The following TSPAN9 variants were observed in gnomAD, a reference collection of about 807,000 sequenced individuals.
TSPAN9 encodes the protein tetraspanin 9.
A neutral mutation model predicts 31.0 loss-of-function variants in TSPAN9; 16 were observed. The observed-to-expected ratio is 0.52, with a 90% CI of 0.35 to 0.78. The LOEUF (loss-of-function observed/expected upper bound fraction) is 0.78, where lower values mean the gene tolerates loss of function less well. TSPAN9 is among the 30% of genes least tolerant of loss of function. The probability of loss-of-function intolerance (pLI) is 0.01; values close to 1 mark genes in which losing one functional copy is unlikely to be tolerated. For missense variants in TSPAN9, 272 were observed against 312.5 expected (o/e 0.87, Z 0.98); for synonymous variants, 145 against 121.6 (o/e 1.19, Z -1.27).
intron 3 of TSPAN9, among the ~76,000 whole-genome samples, chr12:3,230,698 A>G (rs1195306025): frequency 6.6e-6 from 1 of 152,030 alleles, no homozygotes; most frequent in South Asian, 2.1e-4. Context: ...GAGGGGTAAG[A>G]GTCCATGCCG....
rs1242927027 is a variant in TSPAN9 at position 3,240,324 on chromosome 12, G to A, written c.64-38097G>A. On this transcript the variant is annotated intron_variant, in intron 3 of 8. Coordinates refer to ENST00000011898, the MANE Select transcript of TSPAN9 (RefSeq NM_006675.5). ...GTGTGGACGAGGTGGGAGAGTGTGA[G>A]GCCAGGTGGGGGAGCAGCCCGGGAG... is the stretch of plus-strand genomic sequence containing the variant. Among the ~76,000 whole-genome samples the A allele has an allele frequency of 2.9e-5, 4 of 137,394 alleles. No individual in the cohort carries two copies. In the Admixed American group the frequency reaches 2.9e-4, roughly 10 times the overall value. The allele number at this position is 137,394 out of a possible 152,430, so 90.1% of individuals were successfully genotyped here. A position where few individuals can be genotyped will look rare whatever the true frequency, so the allele number is the denominator to read the frequency against.
rs1159563752 is a variant in TSPAN9, at chr12:3,259,226, C to T, written c.64-19195C>T. Among the ~76,000 whole-genome samples the T allele has an allele frequency of 2.6e-5, 4 of 152,218 alleles. No homozygotes were observed. The East Asian group carries it at 7.7e-4, about 29-fold the overall frequency. On this transcript the variant is annotated intron_variant, in intron 3 of 8. Coordinates refer to ENST00000011898, the MANE Select transcript of TSPAN9 (RefSeq NM_006675.5). ...ACTGGAGTCCACCGCCTTCATAGCC[C>T]AAGTTCCTTCTTGCTCTTCTTTGAC... is the stretch of plus-strand genomic sequence containing the variant.
chr12:3,216,546 G>T (rs2098381515), intron 3 of TSPAN9, among the ~76,000 whole-genome samples: 1 of 152,248 alleles, frequency 6.6e-6, no homozygotes, highest in South Asian at 2.1e-4. Flanking sequence ...CATCTCGTCA[G>T]TGGGGAGGCT....
intron 2 of TSPAN9, among the ~76,000 whole-genome samples, chr12:3,099,840 C>CTTTTTT (rs899603509): frequency 1.1e-4 from 14 of 123,644 alleles, no homozygotes; most frequent in African/African-American, 3.9e-4. Context: ...TCTGTCCACT[C>CTTTTTT]TTTTTTTTTT....
At chr12:3,227,490 A>G (rs939883378) in intron 3 of TSPAN9, among the ~76,000 whole-genome samples, 1 of 151,388 alleles carries the variant, frequency 6.6e-6, no homozygotes, top group Non-Finnish European at 1.5e-5. Flanking sequence ...TAGTGGGGAG[A>G]CTCCCCGTGG....
At chr12:3,093,558 G>T (rs963290396) in intron 2 of TSPAN9, among the ~76,000 whole-genome samples, 4 of 152,176 alleles carry the variant, frequency 2.6e-5, no homozygotes, top group African/African-American at 7.2e-5. Context: ...AGTTTCTGTT[G>T]CAGGGAACAG....
rs1271372078 is a variant in TSPAN9, at chr12:3,280,617, C to T, written c.432+134C>T. 3 of 793,664 alleles carry T rather than the reference C, an allele frequency of 3.8e-6. No homozygotes were observed. Among genetic ancestry groups the T allele is most frequent in the East Asian group, 2.7e-5 (1 of 37,400 alleles). 49.2% of individuals were successfully genotyped at this position (793,664 alleles called of 1,614,324 possible). A position where few individuals can be genotyped will look rare whatever the true frequency, so the allele number is the denominator to read the frequency against. On this transcript the variant is annotated intron_variant, in intron 6 of 8. Transcript: ENST00000011898. This position sits in a 1 kb window ranked among gnomAD's most constrained non-coding sequence, Gnocchi z 4.5. ...TTAGCCGGGAGTGGAGTGGTACCCA[C>T]GGGGGCATTTGCCTGAACTGCTGAG...
intron 2 of TSPAN9, among the ~76,000 whole-genome samples, chr12:3,159,388 A>G (rs2098343888): frequency 6.6e-6 from 1 of 152,092 alleles, no homozygotes; most frequent in South Asian, 2.1e-4. Flanking sequence ...AGTTTTCCTG[A>G]GATATAATTT....
intron 2 of TSPAN9, among the ~76,000 whole-genome samples, chr12:3,191,582 C>T (rs570918528): frequency 3.9e-5 from 6 of 152,140 alleles, no homozygotes; most frequent in Non-Finnish European, 5.9e-5. Flanking sequence ...TTAGGTGGCA[C>T]GAGGTGATCA....
intron 3 of TSPAN9, among the ~76,000 whole-genome samples, chr12:3,258,881 G>GC (rs1003668324): frequency 2.0e-5 from 3 of 152,238 alleles, no homozygotes; most frequent in Non-Finnish European, 2.9e-5. Context: ...AGACTACATT[G>GC]CCCCCCACTG....
intron 3 of TSPAN9, among the ~76,000 whole-genome samples, chr12:3,222,516 A>G (rs908077474): frequency 3.9e-5 from 6 of 152,136 alleles, no homozygotes; most frequent in African/African-American, 1.4e-4. Context: ...ATCTGGATGG[A>G]TTTACAGGGG....
At chr12:3,086,304 C>T (rs2098300450) in intron 2 of TSPAN9, among the ~76,000 whole-genome samples, 1 of 149,560 alleles carries the variant, frequency 6.7e-6, no homozygotes, top group African/African-American at 2.5e-5. Context: ...TGCATTTCAA[C>T]CCGATACTTT....
At chr12:3,105,104 C>T (rs2098313629) in intron 2 of TSPAN9, among the ~76,000 whole-genome samples, 1 of 152,182 alleles carries the variant, frequency 6.6e-6, no homozygotes, top group Admixed American at 6.5e-5. Flanking sequence ...GAATTTGTGC[C>T]CCGTCTGCGC....
intron 3 of TSPAN9, 78 bp downstream of exon 3, chr12:3,201,334 CT>C: frequency 4.3e-6 from 6 of 1,384,796 alleles, no homozygotes; most frequent in Non-Finnish European, 6.2e-6. Context: ...CCCTCTCCCT[CT>C]TCTGTGCTGC....
intron 2 of TSPAN9, among the ~76,000 whole-genome samples, chr12:3,105,564 G>A (rs1161188660): frequency 1.3e-5 from 2 of 151,878 alleles, no homozygotes; most frequent in African/African-American, 2.4e-5. Context: ...GGGAAGAGGC[G>A]AGCTGAGCGG....
At chr12:3,226,909 G>C (rs1309274004) in intron 3 of TSPAN9, among the ~76,000 whole-genome samples, 4 of 147,500 alleles carry the variant, frequency 2.7e-5, no homozygotes, top group African/African-American at 1.0e-4. Flanking sequence ...CTCCTAATAT[G>C]TGGTCTGAAT....
intron 2 of TSPAN9, among the ~76,000 whole-genome samples, chr12:3,195,417 AC>A (rs1243721744): frequency 6.6e-6 from 1 of 151,810 alleles, no homozygotes; most frequent in Non-Finnish European, 1.5e-5. Flanking sequence ...TAGTTACTTC[AC>A]TTTTTTTGTT....
Position 3,099,734 on chromosome 12 carries a change from T to C in TSPAN9, c.-18+16015T>C, listed in dbSNP as rs570475785. Among the ~76,000 whole-genome samples, 7 of 152,320 alleles carry C rather than the reference T, an allele frequency of 4.6e-5. No homozygotes were observed. In the East Asian group the frequency reaches 1.3e-3, roughly 29 times the overall value. On this transcript the variant is annotated intron_variant, in intron 2 of 8. Coordinates refer to ENST00000011898, the MANE Select transcript of TSPAN9 (RefSeq NM_006675.5). ...GGTTTGCTGTTAAGCTTTGTTGGGGTAGACCCAGACCAGCCTTTAGTCTAG... is the reference window on the plus strand; with the variant it reads ...GGTTTGCTGTTAAGCTTTGTTGGGGCAGACCCAGACCAGCCTTTAGTCTAG...
At chr12:3,210,111 G>T (rs553957071) in intron 3 of TSPAN9, among the ~76,000 whole-genome samples, 9 of 147,840 alleles carry the variant, frequency 6.1e-5, no homozygotes, top group Non-Finnish European at 1.2e-4. Context: ...TCCAGCCTGG[G>T]CAACAGAGCA....
Sources: gnomAD v4.1 joint callset for allele counts (sites outside exome capture counted in the v4.1 genomes callset) on GRCh38, gnomAD v4.1.1 for gene constraint, Gnocchi (gnomAD v3.1) non-coding constraint, MANE v1.5 for transcripts, NCBI Gene and HGNC (gene_info 2026-07-23, HGNC 2026-07-21) for gene names.